The following PPHLN1 variants were observed in gnomAD, a reference collection of about 807,000 sequenced individuals.
PPHLN1 encodes the protein periphilin-1.
A neutral mutation model predicts 51.3 loss-of-function variants in PPHLN1; 29 were observed. The ratio of observed to expected loss-of-function variants is 0.57; its 90% CI spans 0.42 to 0.77. PPHLN1 has a LOEUF of 0.77. Ranked by LOEUF, PPHLN1 falls within the 30% of genes least tolerant of loss-of-function variation. PPHLN1 has a pLI of 0.00. For synonymous variants in PPHLN1, 147 were observed against 147.8 expected, an observed-to-expected ratio of 0.99 and a Z score of 0.04; for missense variants, 436 against 438.4, an observed-to-expected ratio of 0.99 and a Z score of 0.05.
chr12:42,353,850 A>G (rs1288338279), intron 3 of PPHLN1, among the ~76,000 whole-genome samples: 1 of 152,180 alleles, frequency 6.6e-6, no homozygotes, highest in Non-Finnish European at 1.5e-5. Context: ...TAGCATAATA[A>G]AGCTTCAATG....
At chr12:42,343,114 ACAGT>A (rs1247724229) in intron 2 of PPHLN1, among the ~76,000 whole-genome samples, 3 of 152,328 alleles carry the variant, frequency 2.0e-5, no homozygotes, top group South Asian at 4.1e-4. Flanking sequence ...GACTAACTTG[ACAGT>A]CAGGTCTACT....
chr12:42,384,864 A>C, intron 5 of PPHLN1, 76 bp from the exon 6 acceptor site: 1 of 1,393,266 alleles, frequency 7.2e-7, no homozygotes, highest in South Asian at 1.2e-5. Flanking sequence ...CATCACTCCT[A>C]CTTCTGAGTT....
chr12:42,336,358 T>C (rs540530444), intron 2 of PPHLN1, among the ~76,000 whole-genome samples: 2 of 152,110 alleles, frequency 1.3e-5, no homozygotes, highest in African/African-American at 4.8e-5. Flanking sequence ...AAATTGAATA[T>C]ATGAAATTCT....
intron 7 of PPHLN1, among the ~76,000 whole-genome samples, chr12:42,389,226 AGCTG>A (rs1196908268): frequency 2.0e-4 from 31 of 151,978 alleles, no homozygotes; most frequent in African/African-American, 7.3e-4. Flanking sequence ...CAAAAAAATT[AGCTG>A]GCCGTGGTGG....
chr12:42,377,829 C>T (rs765808558), intron 5 of PPHLN1, among the ~76,000 whole-genome samples: 3 of 152,050 alleles, frequency 2.0e-5, no homozygotes, highest in African/African-American at 7.2e-5. Flanking sequence ...ATTTTGGGGG[C>T]GAGCATCTTC....
At chr12:42,355,387 C>A in intron 4 of PPHLN1, 165 bp downstream of exon 4, 1 of 564,130 alleles carries the variant, frequency 1.8e-6, no homozygotes, top group Non-Finnish European at 3.1e-6. Context: ...AGTATAATAG[C>A]ACTGATAACT....
intron 4 of PPHLN1, 75 bp downstream of exon 4, chr12:42,355,297 T>C (rs2073906547): frequency 8.2e-7 from 1 of 1,226,036 alleles, no homozygotes; most frequent in Admixed American, 1.8e-5. Flanking sequence ...AAATATAGAC[T>C]CAAGGCACAT....
intron 7 of PPHLN1, among the ~76,000 whole-genome samples, chr12:42,390,211 T>C (rs1342681898): frequency 2.0e-5 from 3 of 152,172 alleles, no homozygotes; most frequent in Non-Finnish European, 2.9e-5. Context: ...AAAAAACAGC[T>C]TCTTTGTGAC....
chr12:42,428,638 G>A (rs1181009181), intron 9 of PPHLN1, among the ~76,000 whole-genome samples: 2 of 151,964 alleles, frequency 1.3e-5, no homozygotes, highest in African/African-American at 2.4e-5. Context: ...AGGGGGGTGA[G>A]GGATAAAAAA....
chr12:42,422,234 C>T (rs1312034671), intron 9 of PPHLN1, among the ~76,000 whole-genome samples: 2 of 152,250 alleles, frequency 1.3e-5, no homozygotes, highest in East Asian at 3.9e-4. Context: ...AATACTACAA[C>T]ACAAATAACA....
At chr12:42,433,722 T>C (rs1592998987) in intron 9 of PPHLN1, among the ~76,000 whole-genome samples, 1 of 152,202 alleles carries the variant, frequency 6.6e-6, no homozygotes, top group Admixed American at 6.5e-5. Context: ...TGGATTATCA[T>C]AGAGATCTTC....
rs1220143715 is a variant in PPHLN1 at position 42,441,426 on chromosome 12, A to T, written c.1021A>T (p.Ile341Leu). 2 of 1,614,106 alleles carry T rather than the reference A, an allele frequency of 1.2e-6. No individual in the cohort carries two copies. The highest frequency in any genetic ancestry group is 8.5e-7 in the Non-Finnish European group (1 of 1,179,978). Reference protein sequence around the residue: ...QFALRQNLHEIGERCVEELKH... With the variant: ...QFALRQNLHELGERCVEELKH... The stretch of plus-strand genomic sequence containing the variant: ...TGCATTGAGGCAGAATTTACATGAA[A>T]TAGGTGAGCGGTGTGTTGAAGAACT... Residue 341 changes from isoleucine to leucine, a missense_variant, in exon 10 of 10, where the codon ATA becomes TTA. Coordinates refer to ENST00000358314, the MANE Select transcript of PPHLN1 (RefSeq NM_201439.2).
At chr12:42,357,253 T>A (rs543899414) in intron 4 of PPHLN1, among the ~76,000 whole-genome samples, 5 of 152,304 alleles carry the variant, frequency 3.3e-5, no homozygotes, top group African/African-American at 1.2e-4. Context: ...AAATTTTTTT[T>A]ATTTTTTATT....
intron 1 of PPHLN1, among the ~76,000 whole-genome samples, chr12:42,329,221 C>T (rs542252732): frequency 1.4e-4 from 22 of 152,058 alleles, no homozygotes; most frequent in Non-Finnish European, 2.8e-4. Flanking sequence ...CCTGCCTCAG[C>T]CTTCCGAGTA....
chr12:42,380,764 T>C (rs770781469), intron 5 of PPHLN1, among the ~76,000 whole-genome samples: 11 of 152,196 alleles, frequency 7.2e-5, no homozygotes, highest in Non-Finnish European at 1.6e-4. Flanking sequence ...AATAAGGTTT[T>C]ATCATCAGAT....
At chr12:42,378,084 A>G (rs113374720) in intron 5 of PPHLN1, among the ~76,000 whole-genome samples, 4 of 124,834 alleles carry the variant, frequency 3.2e-5, no homozygotes, top group Non-Finnish European at 6.9e-5. Flanking sequence ...CTATCTATCT[A>G]TCTTTCTCTT....
intron 1 of PPHLN1, among the ~76,000 whole-genome samples, chr12:42,328,773 G>T (rs143630639): frequency 6.6e-6 from 1 of 152,174 alleles, no homozygotes; most frequent in East Asian, 1.9e-4. Flanking sequence ...GCAGTGGCAC[G>T]ATCATGGCTC....
chr12:42,400,757 G>GTCTCTC (rs35916281), intron 9 of PPHLN1, among the ~76,000 whole-genome samples: 1 of 140,590 alleles, frequency 7.1e-6, no homozygotes, highest in African/African-American at 2.7e-5. Flanking sequence ...GCGAGACCCT[G>GTCTCTC]TCTCTCTCTC....
At position 42,358,383 on chromosome 12, in the gene PPHLN1, TTTAA is replaced by T. The variant is rs376989231; in HGVS notation, c.299+3164_299+3167del. Among the ~76,000 whole-genome samples the T allele has an allele frequency of 1.5e-4, 23 of 152,176 alleles. No homozygotes were observed. The East Asian group carries it at 4.1e-3, about 27-fold the overall frequency. On this transcript the variant is annotated intron_variant, in intron 4 of 9. Coordinates refer to ENST00000358314, the MANE Select transcript of PPHLN1 (RefSeq NM_201439.2). The stretch of plus-strand genomic sequence containing the variant: ...CATAAACATTTAGGGTTTTTGATTG[TTTAA>T]TTGAGTCTTTTTTTGTTGTTTGTTT...
Sources: gnomAD v4.1 joint callset for allele counts (sites outside exome capture counted in the v4.1 genomes callset) on GRCh38, gnomAD v4.1.1 for gene constraint, MANE v1.5 for transcripts, NCBI Gene and HGNC (gene_info 2026-07-23, HGNC 2026-07-21) for gene names.